The following HCK variants were observed in gnomAD, a reference collection of about 807,000 sequenced individuals.
The protein encoded by HCK is HCK proto-oncogene, Src family tyrosine kinase.
A neutral mutation model predicts 70.4 loss-of-function variants in HCK; 40 were observed. That is an observed-to-expected ratio of 0.57 (90% CI 0.44 to 0.74). HCK has a LOEUF of 0.74. Ranked by LOEUF, HCK falls within the 30% of genes least tolerant of loss-of-function variation. The pLI is 0.00. For missense variants in HCK, 568 were observed against 697.2 expected (o/e 0.81, Z 2.09); for synonymous variants, 245 against 263.2 (o/e 0.93, Z 0.67).
rs572823994 is a variant in HCK, at chr20:32,087,845, T to C, written c.1016-723T>C. On this transcript the variant is annotated intron_variant, in intron 9 of 12. Transcript: ENST00000375852. ...TTTTAGTAGAGACGGTGTTTCACCGTGTTAGCCAGGATGGTCTCAATCTCC... is the reference window on the plus strand; with the variant it reads ...TTTTAGTAGAGACGGTGTTTCACCGCGTTAGCCAGGATGGTCTCAATCTCC... 4.6e-5 allele frequency among the ~76,000 whole-genome samples: 7 copies of C among 152,206 alleles called. No individual in the cohort carries two copies. The South Asian group carries it at 1.0e-3, about 23-fold the overall frequency.
In HCK at chr20:32,074,706, C is replaced by T; in HGVS notation, c.413C>T (p.Ser138Phe). Residue 138 changes from serine (S) to phenylalanine (F), a missense_variant, in exon 5 of 13, where the codon TCT becomes TTT. This residue lies in a region of HCK where 318 missense variants were observed against 336.0 expected (regional missense o/e 0.95). Coordinates refer to ENST00000375852, the MANE Select transcript of HCK (RefSeq NM_002110.5). ...AGCAACTATGTCGCCCGCGTTGACT[C>T]TCTGGAGACAGAGGAGTAAGTATCC... 1 of 1,613,254 alleles carries T rather than the reference C, an allele frequency of 6.2e-7. No individual in the cohort carries two copies. Among genetic ancestry groups the T allele is most frequent in the Non-Finnish European group, 8.5e-7 (1 of 1,179,196 alleles).
intron 6 of HCK, among the ~76,000 whole-genome samples, chr20:32,083,627 C>A (rs138471544): frequency 6.6e-6 from 1 of 152,144 alleles, no homozygotes; most frequent in African/African-American, 2.4e-5. Context: ...GGTAGGGAGG[C>A]GTGAGAACTA....
intron 5 of HCK, 84 bp from the exon 6 acceptor site, chr20:32,079,690 C>A (rs2045679869): frequency 4.7e-6 from 4 of 850,824 alleles, no homozygotes; most frequent in South Asian, 2.9e-5. Context: ...TCCCCTGGGA[C>A]CTGCATGGCC....
intron 2 of HCK, among the ~76,000 whole-genome samples, chr20:32,072,886 A>G (rs2045563475): frequency 6.6e-6 from 1 of 152,112 alleles, no homozygotes; most frequent in South Asian, 2.1e-4. Flanking sequence ...GCACTTTGGG[A>G]GGTCAGGAGT....
intron 11 of HCK, among the ~76,000 whole-genome samples, chr20:32,095,157 G>A (rs1315577059): frequency 3.9e-5 from 6 of 152,210 alleles, no homozygotes; most frequent in African/African-American, 1.2e-4. Context: ...ACTACGCCAG[G>A]CTAGAACACA....
chr20:32,077,674 G>A (rs974707814), intron 5 of HCK, among the ~76,000 whole-genome samples: 24 of 151,938 alleles, frequency 1.6e-4, no homozygotes, highest in African/African-American at 5.8e-4. Flanking sequence ...TTACAGGCAT[G>A]CGCCACCATA....
chr20:32,094,707 A>AAGAG (rs1569009441), intron 11 of HCK, among the ~76,000 whole-genome samples: 2 of 51,598 alleles, frequency 3.9e-5, no homozygotes, highest in African/African-American at 9.7e-5. Context: ...AAGAAAAGAA[A>AAGAG]AGAAAGAAAG....
At chr20:32,088,815 C>A (rs1308575512) in intron 10 of HCK, among the ~76,000 whole-genome samples, 171 bp downstream of exon 10, 1 of 152,210 alleles carries the variant, frequency 6.6e-6, no homozygotes, top group East Asian at 1.9e-4. Context: ...TACATGTACT[C>A]ATTCATTTAA....
At chr20:32,056,880 C>T (rs1179045276) in intron 1 of HCK, among the ~76,000 whole-genome samples, 1 of 152,170 alleles carries the variant, frequency 6.6e-6, no homozygotes, top group Non-Finnish European at 1.5e-5. Context: ...TAACACCTGG[C>T]ACCTGGCACA....
chr20:32,099,108 G>A lies in HCK; in HGVS notation c.1351G>A (p.Val451Ile), dbSNP rs557160696. Residue 451 changes from valine to isoleucine, a missense_variant, in exon 12 of 13, where the codon GTC becomes ATC. Coordinates refer to ENST00000375852, the MANE Select transcript of HCK (RefSeq NM_002110.5). ...CTTTGGTATCCTGCTGATGGAGATC[G>A]TCACCTACGGCCGGATCCCTTACCC... 75 of 1,614,088 alleles carry A rather than the reference G, an allele frequency of 4.6e-5. No homozygotes were observed. The highest frequency in any genetic ancestry group is 2.0e-4 in the African/African-American group (15 of 75,012).
intron 10 of HCK, 25 bp downstream of exon 10, chr20:32,088,669 G>A (rs1313877139): frequency 1.3e-6 from 2 of 1,595,282 alleles, no homozygotes; most frequent in African/African-American, 2.7e-5. Flanking sequence ...AGGAAACGGG[G>A]AAGGGAAACA....
intron 1 of HCK, among the ~76,000 whole-genome samples, chr20:32,063,747 G>T (rs1600710265): frequency 6.6e-6 from 1 of 151,890 alleles, no homozygotes; most frequent in Non-Finnish European, 1.5e-5. Context: ...AATTCCCTCT[G>T]CACTGGGCAA....
intron 11 of HCK, among the ~76,000 whole-genome samples, chr20:32,096,658 T>G (rs1395399058): frequency 6.6e-6 from 1 of 152,084 alleles, no homozygotes. Flanking sequence ...CGTGCTACCA[T>G]GCCCAGCTAA....
intron 1 of HCK, among the ~76,000 whole-genome samples, chr20:32,064,305 C>T (rs1185322463): frequency 2.6e-5 from 4 of 152,150 alleles, no homozygotes; most frequent in Middle Eastern, 3.2e-3. Context: ...CCCATCTCTG[C>T]TTCTATTACT....
intron 12 of HCK, 117 bp downstream of exon 12, chr20:32,099,252 C>T: frequency 9.0e-7 from 1 of 1,105,586 alleles, no homozygotes; most frequent in Non-Finnish European, 1.3e-6. Context: ...CCTTCCCTCA[C>T]CTTTCCTGTC....
At chr20:32,060,045 A>G (rs1301216017) in intron 1 of HCK, among the ~76,000 whole-genome samples, 1 of 152,120 alleles carries the variant, frequency 6.6e-6, no homozygotes, top group Non-Finnish European at 1.5e-5. Flanking sequence ...GTACCACGGC[A>G]GGTTAAAGTG....
At chr20:32,060,778 A>T (rs1453349676) in intron 1 of HCK, among the ~76,000 whole-genome samples, 1 of 152,176 alleles carries the variant, frequency 6.6e-6, no homozygotes, top group Admixed American at 6.5e-5. Flanking sequence ...ATAGCATTAA[A>T]TGTGCAAGAA....
At chr20:32,088,871 G>A (rs1230281134) in intron 10 of HCK, among the ~76,000 whole-genome samples, 1 of 151,900 alleles carries the variant, frequency 6.6e-6, no homozygotes. Flanking sequence ...ATCTATTTTG[G>A]TATAACAAAC....
chr20:32,071,830 C>T (rs2045544426), intron 2 of HCK, 48 bp downstream of exon 2: 1 of 1,594,868 alleles, frequency 6.3e-7, no homozygotes, highest in South Asian at 1.1e-5. Flanking sequence ...GGATGCTGCC[C>T]CAACATTGCC....
Sources: gnomAD v4.1 joint callset for allele counts (sites outside exome capture counted in the v4.1 genomes callset) on GRCh38, gnomAD v4.1.1 for gene constraint, gnomAD v4.1.1 regional missense constraint, MANE v1.5 for transcripts, NCBI Gene and HGNC (gene_info 2026-07-23, HGNC 2026-07-21) for gene names.